NBEAL1: variants seen among roughly 807,000 people sequenced by gnomAD.
The protein encoded by NBEAL1 is neurobeachin like 1.
A neutral mutation model predicts 351.3 loss-of-function variants in NBEAL1; 273 were observed. The ratio of observed to expected loss-of-function variants is 0.78; its 90% confidence interval spans 0.70 to 0.86. The LOEUF is 0.86. NBEAL1 is among the 40% of genes least tolerant of loss of function. The pLI, the probability that NBEAL1 is intolerant of heterozygous loss-of-function variation, is 0.00. For synonymous variants in NBEAL1, 1,050 were observed against 1,086.4 expected (o/e 0.97, Z 0.66); for missense variants, 2,961 against 3,201.3 (o/e 0.92, Z 1.81).
At chr2:203,113,376 T>C (rs1433312486) in intron 17 of NBEAL1, 58 bp downstream of exon 17, 1 of 933,460 alleles carries the variant, frequency 1.1e-6, no homozygotes, top group Admixed American at 3.9e-5. Flanking sequence ...GTTGTCTAAA[T>C]ATATTCTGAA....
intron 34 of NBEAL1, among the ~76,000 whole-genome samples, chr2:203,150,349 ATCT>A (rs1396992019): frequency 3.3e-5 from 5 of 152,050 alleles, no homozygotes; most frequent in South Asian, 2.1e-4. Flanking sequence ...TCATTTTTAC[ATCT>A]TCTTTGAAGA....
At position 203,166,261 on chromosome 2, in the gene NBEAL1, A is replaced by G. The variant is rs1485464501; in HGVS notation, c.5827A>G (p.Ile1943Val). 2.5e-6 allele frequency: 4 copies of G among 1,610,838 alleles called. No homozygotes were observed. The highest frequency in any genetic ancestry group is 2.2e-5 in the South Asian group (2 of 89,910). The change falls in exon 37 of 56, where the codon ATT becomes GTT. Residue 1943 changes from isoleucine to valine, a missense_variant. Transcript: ENST00000683969. ...PGRLEITTQH[I>V]YFYDGSIEKE... ...CAGATTAGAAATCACTACTCAACAC[A>G]TTTACTTCTATGATGGCAGCATTGA... is the stretch of plus-strand genomic sequence containing the variant.
intron 44 of NBEAL1, among the ~76,000 whole-genome samples, chr2:203,186,414 C>T (rs533630606): frequency 2.8e-4 from 42 of 152,274 alleles, no homozygotes; most frequent in Middle Eastern, 3.4e-3. Flanking sequence ...CAGACACTCC[C>T]ATTCAAAAGG....
chr2:203,203,307 A>ATT lies in NBEAL1; in HGVS notation c.7506+535_7506+536dup, dbSNP rs5837846. Among the ~76,000 whole-genome samples the ATT allele has an allele frequency of 7.1e-3, 1,048 of 148,334 alleles. 31 individuals are homozygous for ATT. The highest frequency in any genetic ancestry group is 0.052 in the Admixed American group (777 of 14,846). ...CAGGCACGTGCCACCATGCCTGGCT[A>ATT]TTTTTTTTTTATTGTATTTTTTGTA... is the stretch of plus-strand genomic sequence containing the variant. On this transcript the variant is annotated intron_variant, in intron 51 of 55. Transcript: ENST00000683969.
chr2:203,185,093 A>G lies in NBEAL1; in HGVS notation c.6705+1705A>G, dbSNP rs149909047. Among the ~76,000 whole-genome samples, 145 of 152,312 alleles carry G rather than the reference A, an allele frequency of 9.5e-4. 1 individual carries two copies. Among genetic ancestry groups the G allele is most frequent in the African/African-American group, 3.3e-3 (138 of 41,564 alleles). ...ACGGATTAATAACAAGGATGGCATT[A>G]GTCCAAGGTTGAACAGGCAGTTGCT... On this transcript the variant is annotated intron_variant, in intron 44 of 55. Transcript: ENST00000683969.
chr2:203,215,467 C>G (rs1350375669), intron 55 of NBEAL1, among the ~76,000 whole-genome samples: 2 of 152,078 alleles, frequency 1.3e-5, no homozygotes, highest in African/African-American at 4.8e-5. Flanking sequence ...CGAGATTGTG[C>G]CACTGCACTC....
At chr2:203,209,651 T>TA (rs1468601014) in intron 53 of NBEAL1, among the ~76,000 whole-genome samples, 1 of 151,922 alleles carries the variant, frequency 6.6e-6, no homozygotes. Context: ...AGGGTATAAA[T>TA]AAACAAGCCC....
At chr2:203,024,736 C>T (rs2060827635) in intron 2 of NBEAL1, among the ~76,000 whole-genome samples, 1 of 151,870 alleles carries the variant, frequency 6.6e-6, no homozygotes, top group South Asian at 2.1e-4. Flanking sequence ...GTGGTGCAGG[C>T]CTGTGGTCCC....
chr2:203,222,834 T>G lies in NBEAL1; in HGVS notation c.*5480T>G, dbSNP rs887396355. Among the ~76,000 whole-genome samples the G allele has an allele frequency of 1.3e-5, 2 of 152,206 alleles. No individual in the cohort carries two copies. The highest frequency in any genetic ancestry group is 2.9e-5 in the Non-Finnish European group (2 of 68,020). ...AGCATTGGGTAAATTATCTACTACT[T>G]CCAATGACTTTTGCAGGTACAGCCT... On this transcript the variant is annotated 3_prime_UTR_variant, in exon 56 of 56. Transcript: ENST00000683969.
rs183710570 is a variant in NBEAL1, at chr2:203,046,168, A to G, written c.144-3646A>G. Among the ~76,000 whole-genome samples the G allele has an allele frequency of 5.3e-4, 81 of 152,152 alleles. 1 individual carries two copies. In the East Asian group the frequency reaches 0.013, roughly 24 times the overall value. On this transcript the variant is annotated intron_variant, in intron 3 of 55. Coordinates refer to ENST00000683969, the MANE Select transcript of NBEAL1 (RefSeq NM_001378026.1). ...TATCTCTTAAAAAAAATTGCAGATT[A>G]CAGAACTAGAAACTTTTTTTTTTTA...
At chr2:203,158,095 C>T (rs761047343) in intron 36 of NBEAL1, among the ~76,000 whole-genome samples, 1 of 152,062 alleles carries the variant, frequency 6.6e-6, no homozygotes, top group Non-Finnish European at 1.5e-5. Context: ...TCAGCTATAC[C>T]TGTGTTCAGA....
At chr2:203,072,940 G>A (rs1017856528) in intron 7 of NBEAL1, among the ~76,000 whole-genome samples, 1 of 152,116 alleles carries the variant, frequency 6.6e-6, no homozygotes, top group Non-Finnish European at 1.5e-5. Context: ...AACAATACTG[G>A]TCATATTAAA....
At chr2:203,177,951 G>A (rs1199072274) in intron 42 of NBEAL1, among the ~76,000 whole-genome samples, 5 of 151,588 alleles carry the variant, frequency 3.3e-5, no homozygotes, top group African/African-American at 4.8e-5. Context: ...CCCGGGAGGC[G>A]GACATTGCAG....
intron 4 of NBEAL1, among the ~76,000 whole-genome samples, chr2:203,054,113 C>T (rs1044593342): frequency 2.0e-5 from 3 of 152,046 alleles, no homozygotes; most frequent in Non-Finnish European, 4.4e-5. Flanking sequence ...CCATGCCTGG[C>T]CAATTGTTTT....
At chr2:203,103,345 C>T (rs1200746497) in intron 12 of NBEAL1, among the ~76,000 whole-genome samples, 3 of 151,988 alleles carry the variant, frequency 2.0e-5, no homozygotes, top group Non-Finnish European at 4.4e-5. Flanking sequence ...GCGATCTCAG[C>T]TCACTGCAAC....
chr2:203,197,308 A>C lies in NBEAL1; in HGVS notation c.7045A>C (p.Ser2349Arg). 1 of 1,561,796 alleles carries C rather than the reference A, an allele frequency of 6.4e-7. No individual in the cohort carries two copies. The highest frequency in any genetic ancestry group is 2.2e-5 in the East Asian group (1 of 44,598). ...AACCTCTTTTATTTTATAGGGGATT[A>C]GTGATGGTATTCCACTATTAAAGGC... ...ELKSFFIEGISDGIPLLKATI... is the reference protein window; with the variant it reads ...ELKSFFIEGIRDGIPLLKATI... Residue 2349 changes from serine to arginine, a missense_variant, in exon 48 of 56, where the codon AGT (serine) becomes CGT (arginine). Ser to Arg is a moderately radical substitution (Grantham distance 110, BLOSUM62 -1). Transcript: ENST00000683969.
intron 42 of NBEAL1, among the ~76,000 whole-genome samples, chr2:203,177,140 A>G (rs2064532335): frequency 6.7e-6 from 1 of 149,562 alleles, no homozygotes; most frequent in Admixed American, 6.7e-5. Flanking sequence ...GACACAGCAA[A>G]GCTCTATCTC....
chr2:203,176,497 G>A (rs1452220843), intron 42 of NBEAL1, among the ~76,000 whole-genome samples: 1 of 151,912 alleles, frequency 6.6e-6, no homozygotes, highest in Admixed American at 6.6e-5. Context: ...GGCCAAGGTG[G>A]GTGGATCACC....
intron 14 of NBEAL1, among the ~76,000 whole-genome samples, chr2:203,109,869 T>G (rs1254065859): frequency 6.6e-6 from 1 of 152,240 alleles, no homozygotes; most frequent in Non-Finnish European, 1.5e-5. Flanking sequence ...GAATCTTATT[T>G]GGAAGAATTT....
Sources: allele counts gnomAD v4.1 joint callset (sites outside exome capture counted in the v4.1 genomes callset), GRCh38; gene constraint gnomAD v4.1.1; transcripts MANE v1.5; gene names NCBI Gene and HGNC (gene_info 2026-07-23, HGNC 2026-07-21).